STK32B: variants seen among roughly 807,000 people sequenced by gnomAD.
STK32B encodes serine/threonine kinase 32B, also known as serine/threonine-protein kinase 32B.
Under a neutral mutation model 52.6 loss-of-function variants are expected in STK32B, and 43 were observed. That is an observed-to-expected ratio of 0.82 (90% CI 0.64 to 1.05). The LOEUF is 1.05. Ranked by LOEUF, STK32B falls within the 50% of genes least tolerant of loss-of-function variation. The probability of loss-of-function intolerance (pLI) is 0.00; values close to 1 mark genes in which losing one functional copy is unlikely to be tolerated. For synonymous variants in STK32B, 238 were observed against 204.3 expected (o/e 1.17, Z -1.41); for missense variants, 621 against 534.6 (o/e 1.16, Z -1.59).
At chr4:5,045,008 A>C in the STK32B span, among the ~76,000 whole-genome samples, 1 of 152,214 alleles carries the variant, frequency 6.6e-6, no homozygotes, top group Non-Finnish European at 1.5e-5. Flanking sequence ...TGCCACCAGC[A>C]TCTCTTGCCT....
At chr4:5,492,268 G>C (rs564289971) in intron 11 of STK32B, among the ~76,000 whole-genome samples, 29 of 152,274 alleles carry the variant, frequency 1.9e-4, no homozygotes, top group African/African-American at 7.0e-4. Context: ...GCAGTGGCTT[G>C]TAGTTCTCCT....
chr4:5,164,666 A>C (rs974893008), intron 2 of STK32B, among the ~76,000 whole-genome samples: 4 of 152,176 alleles, frequency 2.6e-5, no homozygotes, highest in Admixed American at 6.5e-5. Flanking sequence ...GTATTATCAC[A>C]GGGTGAACAG....
intron 1 of STK32B, among the ~76,000 whole-genome samples, chr4:5,059,132 T>C (rs1418101428): frequency 6.9e-6 from 1 of 144,728 alleles, no homozygotes; most frequent in African/African-American, 2.6e-5. Flanking sequence ...TGAATTCCTG[T>C]GTGCAAGCAA....
chr4:5,186,780 C>T (rs1046811450), intron 3 of STK32B, among the ~76,000 whole-genome samples: 1 of 152,204 alleles, frequency 6.6e-6, no homozygotes, highest in Non-Finnish European at 1.5e-5. Context: ...CGAGGCTCTC[C>T]TATCTAGAGT....
intron 3 of STK32B, among the ~76,000 whole-genome samples, chr4:5,173,927 G>T (rs1202563156): frequency 2.0e-5 from 3 of 152,128 alleles, no homozygotes; most frequent in African/African-American, 2.4e-5. Context: ...TATTATTATG[G>T]TGTGGGAGTC....
intron 1 of STK32B, among the ~76,000 whole-genome samples, chr4:5,100,341 C>G (rs1713658166): frequency 7.0e-6 from 1 of 143,448 alleles, no homozygotes; most frequent in Admixed American, 6.9e-5. Flanking sequence ...CCCTCCCTCC[C>G]TTCCTTCCTT....
upstream of STK32B, among the ~76,000 whole-genome samples, chr4:5,050,950 G>T (rs932764339): frequency 1.3e-5 from 2 of 152,146 alleles, no homozygotes; most frequent in Non-Finnish European, 2.9e-5. Context: ...TGGCTGTCTG[G>T]GGCCTCAGTT....
intron 3 of STK32B, among the ~76,000 whole-genome samples, chr4:5,278,916 T>C (rs1007222419): frequency 1.3e-5 from 2 of 152,118 alleles, no homozygotes; most frequent in African/African-American, 2.4e-5. Context: ...ACACACTCAC[T>C]ATCATGAGAA....
rs867132016 is a variant in STK32B, at chr4:5,225,066, T to C, written c.260+56616T>C. 2.0e-5 allele frequency among the ~76,000 whole-genome samples: 3 copies of C among 152,194 alleles called. No individual in the cohort carries two copies. In the South Asian group the frequency reaches 6.2e-4, roughly 31 times the overall value. Reference sequence around the variant, plus strand: ...GGACCTCTTATGCTGTTAAAAATTATTGAGGACCTCGAAGAGAATGTTTTT... The same window carrying C: ...GGACCTCTTATGCTGTTAAAAATTACTGAGGACCTCGAAGAGAATGTTTTT... On this transcript the variant is annotated intron_variant, in intron 3 of 11. Coordinates refer to ENST00000282908, the MANE Select transcript of STK32B (RefSeq NM_018401.3).
Position 5,378,145 on chromosome 4 carries a change from T to C in STK32B, c.435-20062T>C, listed in dbSNP as rs1735698371. Among the ~76,000 whole-genome samples, 1 of 152,192 alleles carries C rather than the reference T, an allele frequency of 6.6e-6. No homozygotes were observed. Among genetic ancestry groups the C allele is most frequent in the Non-Finnish European group, 1.5e-5 (1 of 68,042 alleles). On this transcript the variant is annotated intron_variant, in intron 4 of 11. Transcript: ENST00000282908. The surrounding 1 kb of genome is among the most constrained non-coding windows in gnomAD (Gnocchi z 4.4). The stretch of plus-strand genomic sequence containing the variant: ...TAAAAAGAACTGAAAAAGGAGTAAC[T>C]GCCTCCCCGTCTGTCTGAGTGTTCA...
chr4:5,106,879 A>G (rs184022220), intron 1 of STK32B, among the ~76,000 whole-genome samples: 89 of 152,312 alleles, frequency 5.8e-4, no homozygotes, highest in Non-Finnish European at 8.7e-4. Flanking sequence ...TTGAATCAAA[A>G]TTATATGTAA....
chr4:5,443,916 G>T (rs1182517353), intron 6 of STK32B, among the ~76,000 whole-genome samples: 1 of 152,242 alleles, frequency 6.6e-6, no homozygotes, highest in Non-Finnish European at 1.5e-5. Context: ...GCTGCTCGGT[G>T]GTCAGGGGTC....
intron 6 of STK32B, among the ~76,000 whole-genome samples, chr4:5,446,404 A>G (rs1282228246): frequency 6.6e-6 from 1 of 152,108 alleles, no homozygotes. Flanking sequence ...CATCCCTACT[A>G]AAAATATCAC....
chr4:5,207,447 G>A (rs1221258301), intron 3 of STK32B, among the ~76,000 whole-genome samples: 1 of 151,938 alleles, frequency 6.6e-6, no homozygotes, highest in African/African-American at 2.4e-5. Context: ...CATGTAAGAC[G>A]TGACTTTGCT....
At chr4:5,244,747 A>T (rs1458833710) in intron 3 of STK32B, among the ~76,000 whole-genome samples, 1 of 152,122 alleles carries the variant, frequency 6.6e-6, no homozygotes, top group Non-Finnish European at 1.5e-5. Flanking sequence ...CACTGCTTTG[A>T]ATGTGTCCCA....
intron 4 of STK32B, among the ~76,000 whole-genome samples, chr4:5,372,562 C>T (rs1255794660): frequency 6.6e-6 from 1 of 152,100 alleles, no homozygotes. Context: ...ATACACTAGA[C>T]CAAAAATTTC....
Position 5,395,664 on chromosome 4 carries a change from C to A in STK32B, c.435-2543C>A, listed in dbSNP as rs1041119749. The stretch of plus-strand genomic sequence containing the variant: ...CTTCATGACCGCAAAGGGGACACCC[C>A]CGTAAATGCTTGAGATTCCACTCTG... On this transcript the variant is annotated intron_variant, in intron 4 of 11. Coordinates refer to ENST00000282908, the MANE Select transcript of STK32B (RefSeq NM_018401.3). The surrounding 1 kb of genome is among the most constrained non-coding windows in gnomAD (Gnocchi z 4.4). Among the ~76,000 whole-genome samples, 25 of 152,190 alleles carry A rather than the reference C, an allele frequency of 1.6e-4. No homozygotes were observed. The highest frequency in any genetic ancestry group is 5.5e-4 in the African/African-American group (23 of 41,450).
chr4:5,352,164 TA>T (rs1298654164), intron 4 of STK32B, among the ~76,000 whole-genome samples: 1 of 152,210 alleles, frequency 6.6e-6, no homozygotes, highest in Non-Finnish European at 1.5e-5. Flanking sequence ...TATAGGCCAA[TA>T]TTCCTGATGA....
intron 3 of STK32B, among the ~76,000 whole-genome samples, chr4:5,223,918 CTTTCCTA>C (rs1272154013): frequency 6.6e-6 from 1 of 151,744 alleles, no homozygotes; most frequent in Non-Finnish European, 1.5e-5. Flanking sequence ...TTCCTTTCCT[CTTTCCTA>C]TTTCTTCCTT....
Sources: allele counts gnomAD v4.1 joint callset (sites outside exome capture counted in the v4.1 genomes callset), GRCh38; gene constraint gnomAD v4.1.1; non-coding constraint Gnocchi (gnomAD v3.1); transcripts MANE v1.5; gene names NCBI Gene and HGNC (gene_info 2026-07-23, HGNC 2026-07-21).